Variants in SH3GL2 observed in about 807,000 individuals in gnomAD.
SH3GL2 encodes the protein SH3 domain containing GRB2 like 2, endophilin A1, also known as endophilin-A1.
SH3GL2 carries 24 observed loss-of-function variants against 46.0 expected under a neutral mutation model. That is an observed-to-expected ratio of 0.52 (90% CI 0.38 to 0.73). SH3GL2 has a LOEUF of 0.73. SH3GL2 is among the 30% of genes least tolerant of loss of function. The probability of loss-of-function intolerance (pLI) is 0.00; values close to 1 mark genes in which losing one functional copy is unlikely to be tolerated. For missense variants in SH3GL2, 413 were observed against 424.2 expected, an observed-to-expected ratio of 0.97 and a Z score of 0.23; for synonymous variants, 196 against 147.1, an observed-to-expected ratio of 1.33 and a Z score of -2.40.
In SH3GL2 at chr9:17,722,691, G is replaced by A. The variant is rs184961072; in HGVS notation, c.46-24375G>A. On this transcript the variant is annotated intron_variant, in intron 1 of 8. Coordinates refer to ENST00000380607, the MANE Select transcript of SH3GL2 (RefSeq NM_003026.5). ...TCCTCTATTTACCAAATAGCTCATCGGAGTTTACATACCTCTGGATCACTT... is the reference window on the plus strand; with the variant it reads ...TCCTCTATTTACCAAATAGCTCATCAGAGTTTACATACCTCTGGATCACTT... Among the ~76,000 whole-genome samples, 296 of 151,842 alleles carry A rather than the reference G, an allele frequency of 1.9e-3. 1 individual carries two copies. The highest frequency in any genetic ancestry group is 6.9e-3 in the African/African-American group (287 of 41,410).
At chr9:17,579,340 G>C in intron 1 of SH3GL2, 53 bp downstream of exon 1, 2 of 1,292,722 alleles carry the variant, frequency 1.5e-6, no homozygotes, top group Non-Finnish European at 2.1e-6. Flanking sequence ...AGCTGCGAGG[G>C]GCGCGCTCGG....
chr9:17,617,318 C>T (rs1819027556), intron 1 of SH3GL2, among the ~76,000 whole-genome samples: 1 of 152,174 alleles, frequency 6.6e-6, no homozygotes, highest in Non-Finnish European at 1.5e-5. Context: ...AAACCCATAG[C>T]TGAAAGATGG....
At chr9:17,590,049 A>G (rs1818451470) in intron 1 of SH3GL2, 1 of 152,180 alleles carries the variant, frequency 6.6e-6, no homozygotes, top group Non-Finnish European at 1.5e-5. Context: ...CTGATTTTGT[A>G]TCTGAGTGGT....
intron 1 of SH3GL2, among the ~76,000 whole-genome samples, chr9:17,689,421 A>G (rs560759484): frequency 6.6e-5 from 10 of 152,240 alleles, no homozygotes; most frequent in African/African-American, 2.4e-4. Context: ...TAATATATCA[A>G]TATTGACTCG....
chr9:17,591,240 G>A (rs192793926), intron 1 of SH3GL2: 64 of 152,004 alleles, frequency 4.2e-4, no homozygotes, highest in African/African-American at 1.4e-3. Context: ...TGACTGTTAC[G>A]TCTTCCCCTT....
chr9:17,601,360 T>C (rs1818669077), intron 1 of SH3GL2, among the ~76,000 whole-genome samples: 1 of 152,138 alleles, frequency 6.6e-6, no homozygotes. Context: ...AGAAGCAGCT[T>C]GCTGCTTTCC....
intron 3 of SH3GL2, among the ~76,000 whole-genome samples, chr9:17,782,292 C>T (rs567678565): frequency 6.6e-5 from 10 of 152,052 alleles, no homozygotes; most frequent in South Asian, 2.1e-4. Flanking sequence ...CTCTCTTTTT[C>T]GGGGAAAATA....
At chr9:17,715,142 A>AT (rs1226340332) in intron 1 of SH3GL2, among the ~76,000 whole-genome samples, 8 of 136,106 alleles carry the variant, frequency 5.9e-5, no homozygotes, top group Non-Finnish European at 1.3e-4. Context: ...GGTATTTAAG[A>AT]TTTTTTTCCT....
At chr9:17,600,126 T>C (rs1818642282) in intron 1 of SH3GL2, among the ~76,000 whole-genome samples, 1 of 152,176 alleles carries the variant, frequency 6.6e-6, no homozygotes, top group Admixed American at 6.5e-5. Context: ...AACAGCAGTT[T>C]AGACACAAAA....
At chr9:17,738,470 A>G (rs1822406667) in intron 1 of SH3GL2, among the ~76,000 whole-genome samples, 1 of 150,872 alleles carries the variant, frequency 6.6e-6, no homozygotes, top group Non-Finnish European at 1.5e-5. Flanking sequence ...ATACATACAT[A>G]CATACTTATG....
chr9:17,719,521 C>G (rs1821841102), intron 1 of SH3GL2, among the ~76,000 whole-genome samples: 1 of 152,104 alleles, frequency 6.6e-6, no homozygotes, highest in Admixed American at 6.5e-5. Context: ...CACAATGGCT[C>G]ATGCCTGTAA....
chr9:17,791,823 T>C (rs2131193129), intron 7 of SH3GL2, among the ~76,000 whole-genome samples: 1 of 152,248 alleles, frequency 6.6e-6, no homozygotes, highest in African/African-American at 2.4e-5. Flanking sequence ...TCTTTTCACA[T>C]CTTGTGTTTC....
chr9:17,711,773 T>C (rs938546790), intron 1 of SH3GL2, among the ~76,000 whole-genome samples: 3 of 151,844 alleles, frequency 2.0e-5, no homozygotes, highest in Non-Finnish European at 4.4e-5. Context: ...CTGCTATGAA[T>C]ATTCTTGTAC....
intron 1 of SH3GL2, among the ~76,000 whole-genome samples, chr9:17,744,508 G>C (rs972701267): frequency 5.9e-5 from 9 of 152,016 alleles, no homozygotes; most frequent in African/African-American, 2.2e-4. Flanking sequence ...TGGGACCACA[G>C]GTGCACACTA....
chr9:17,744,703 C>T (rs759553617), intron 1 of SH3GL2, among the ~76,000 whole-genome samples: 9 of 152,104 alleles, frequency 5.9e-5, no homozygotes, highest in Non-Finnish European at 1.2e-4. Flanking sequence ...CCCCCGCACC[C>T]AATTTCTAGT....
At chr9:17,680,752 C>T (rs111972370) in intron 1 of SH3GL2, among the ~76,000 whole-genome samples, 15,349 of 152,020 alleles carry the variant, frequency 0.1, 988 homozygotes, top group Admixed American at 0.18. Context: ...TTCCTGCTTT[C>T]TCTTGTGGGC....
chr9:17,682,787 A>G (rs929986548), intron 1 of SH3GL2, among the ~76,000 whole-genome samples: 50 of 152,124 alleles, frequency 3.3e-4, no homozygotes, highest in Non-Finnish European at 2.5e-4. Flanking sequence ...TAGCATTTTA[A>G]CTAGCATCCT....
intron 2 of SH3GL2, among the ~76,000 whole-genome samples, chr9:17,751,567 C>T (rs1226640528): frequency 6.6e-6 from 1 of 151,924 alleles, no homozygotes; most frequent in African/African-American, 2.4e-5. Flanking sequence ...CCCTTGTTCC[C>T]ACCGCCCATG....
At chr9:17,634,867 G>A (rs1819507321) in intron 1 of SH3GL2, among the ~76,000 whole-genome samples, 1 of 152,182 alleles carries the variant, frequency 6.6e-6, no homozygotes, top group African/African-American at 2.4e-5. Flanking sequence ...GGCCCTGGAT[G>A]GGGAAGGGTA....
Sources: gnomAD v4.1 joint callset for allele counts (sites outside exome capture counted in the v4.1 genomes callset) on GRCh38, gnomAD v4.1.1 for gene constraint, MANE v1.5 for transcripts, NCBI Gene and HGNC (gene_info 2026-07-23, HGNC 2026-07-21) for gene names.